Variants in RB1 observed in about 807,000 individuals in gnomAD.
RB1 encodes retinoblastoma-associated protein.
Under a neutral mutation model 135.4 loss-of-function variants are expected in RB1, and 18 were observed. The observed-to-expected ratio is 0.13, with a 90% CI of 0.09 to 0.20. The LOEUF is 0.20. Ranked by LOEUF, RB1 falls within the 10% of genes least tolerant of loss-of-function variation. The pLI is 1.00. For missense variants in RB1, 868 were observed against 1,110.0 expected (o/e 0.78, Z 3.10); for synonymous variants, 365 against 373.2 (o/e 0.98, Z 0.25).
intron 2 of RB1, among the ~76,000 whole-genome samples, chr13:48,337,873 T>C (rs886192944): frequency 2.0e-5 from 3 of 152,224 alleles, no homozygotes; most frequent in Non-Finnish European, 4.4e-5. Flanking sequence ...AAGGCAGGCC[T>C]GGTGGTGACA....
chr13:48,404,107 C>T (rs1047241031), intron 17 of RB1: 1 of 152,142 alleles, frequency 6.6e-6, no homozygotes, highest in African/African-American at 2.4e-5. Flanking sequence ...AGGCTGAAGC[C>T]CCATGCTGTT....
intron 3 of RB1, among the ~76,000 whole-genome samples, chr13:48,343,134 A>T (rs569757634): frequency 6.0e-4 from 92 of 152,258 alleles, no homozygotes; most frequent in African/African-American, 2.2e-3. Flanking sequence ...TTATAACTAA[A>T]TGCTTTTTTT....
chr13:48,461,718 A>T (rs1949406615), intron 20 of RB1, among the ~76,000 whole-genome samples: 2 of 151,344 alleles, frequency 1.3e-5, no homozygotes, highest in South Asian at 4.2e-4. Context: ...GTGTGGTTTG[A>T]TTTGCATTTC....
chr13:48,353,602 T>C (rs1259769849), intron 6 of RB1, among the ~76,000 whole-genome samples: 1 of 152,060 alleles, frequency 6.6e-6, no homozygotes, highest in Non-Finnish European at 1.5e-5. Flanking sequence ...ACAAGGCCTG[T>C]ATTACCCTGA....
chr13:48,304,997 G>T (rs971552071), intron 1 of RB1, among the ~76,000 whole-genome samples: 2 of 152,118 alleles, frequency 1.3e-5, no homozygotes, highest in East Asian at 3.9e-4. Context: ...ACTAGATCTT[G>T]AAGGGAAGTA....
At chr13:48,317,695 T>C (rs958695469) in intron 2 of RB1, 11 of 550,768 alleles carry the variant, frequency 2.0e-5, no homozygotes, top group Non-Finnish European at 3.0e-5. Context: ...CGGATCCCCT[T>C]GGGCGGGAGC....
chr13:48,327,322 A>G (rs1475082436), intron 2 of RB1, among the ~76,000 whole-genome samples: 1 of 152,180 alleles, frequency 6.6e-6, no homozygotes, highest in Non-Finnish European at 1.5e-5. Context: ...TTCTGGTGGA[A>G]ATGCTTACAG....
chr13:48,337,908 G>A (rs187977052), intron 2 of RB1, among the ~76,000 whole-genome samples: 2 of 152,292 alleles, frequency 1.3e-5, no homozygotes, highest in African/African-American at 4.8e-5. Context: ...TTGTTTGCCT[G>A]TGAAGGATTT....
At chr13:48,463,030 T>A (rs575230159) in intron 20 of RB1, among the ~76,000 whole-genome samples, 4 of 152,220 alleles carry the variant, frequency 2.6e-5, no homozygotes, top group Non-Finnish European at 5.9e-5. Context: ...TTGGCAATAG[T>A]AGGTAAGAGC....
chr13:48,368,928 C>T (rs879270468), intron 11 of RB1, among the ~76,000 whole-genome samples: 43 of 152,208 alleles, frequency 2.8e-4, no homozygotes, highest in Admixed American at 2.6e-3. Flanking sequence ...ATTGCTTGAA[C>T]CCGGGAGGCG....
At chr13:48,348,354 G>C (rs1263873459) in intron 5 of RB1, among the ~76,000 whole-genome samples, 1 of 151,790 alleles carries the variant, frequency 6.6e-6, no homozygotes, top group African/African-American at 2.4e-5. Flanking sequence ...TGCCTCATTG[G>C]AGTAGTATTG....
chr13:48,356,558 T>A (rs147039992), intron 6 of RB1, among the ~76,000 whole-genome samples: 139 of 152,218 alleles, frequency 9.1e-4, no homozygotes, highest in Middle Eastern at 3.4e-3. Context: ...AGAAGGTTAC[T>A]ATCTTCACTC....
chr13:48,411,286 G>A, intron 17 of RB1: 2 of 932,534 alleles, frequency 2.1e-6, no homozygotes, highest in South Asian at 1.3e-5. Flanking sequence ...ATGTCCATGT[G>A]TTAATTTCTT....
intron 17 of RB1, among the ~76,000 whole-genome samples, chr13:48,448,345 C>A (rs1319763776): frequency 6.6e-6 from 1 of 152,096 alleles, no homozygotes; most frequent in Admixed American, 6.5e-5. Context: ...AGCATACATG[C>A]CACCTTCTCT....
At chr13:48,305,968 C>T (rs1390213267) in intron 1 of RB1, among the ~76,000 whole-genome samples, 2 of 152,182 alleles carry the variant, frequency 1.3e-5, no homozygotes, top group Non-Finnish European at 2.9e-5. Context: ...TTGAAATAAT[C>T]AAAGGTTAAT....
At chr13:48,370,134 T>C (rs528621876) in intron 11 of RB1, among the ~76,000 whole-genome samples, 1 of 152,172 alleles carries the variant, frequency 6.6e-6, no homozygotes, top group South Asian at 2.1e-4. Context: ...TTTTGAAACA[T>C]GCAAAGGCCT....
rs747338465 is a variant in RB1 at position 48,412,067 on chromosome 13, G to A, written c.1695+30624G>A. Reference sequence around the variant, plus strand: ...TTAGAGTCTTTGACTTAAATGGGTAGACAATTGCCAGAAATCGATCTACAC... The same window carrying A: ...TTAGAGTCTTTGACTTAAATGGGTAAACAATTGCCAGAAATCGATCTACAC... On this transcript the variant is annotated intron_variant, in intron 17 of 26. Coordinates refer to ENST00000267163, the MANE Select transcript of RB1 (RefSeq NM_000321.3). 4.3e-6 allele frequency: 7 copies of A among 1,612,694 alleles called. No individual in the cohort carries two copies. In the South Asian group the frequency reaches 7.7e-5, roughly 18 times the overall value.
chr13:48,337,610 T>A (rs1354894418), intron 2 of RB1, among the ~76,000 whole-genome samples: 2 of 152,226 alleles, frequency 1.3e-5, no homozygotes, highest in African/African-American at 4.8e-5. Context: ...TACAGCACAC[T>A]GATGGGTCTT....
At position 48,481,491 on chromosome 13, in the gene RB1, T is replaced by A; in HGVS notation, c.*1420T>A. 1 of 230,856 alleles carries A rather than the reference T, an allele frequency of 4.3e-6. No homozygotes were observed. Among genetic ancestry groups the A allele is most frequent in the East Asian group, 6.2e-5 (1 of 16,140 alleles). The allele number at this position is 230,856 out of a possible 1,614,324, so 14.3% of individuals were successfully genotyped here. On this transcript the variant is annotated 3_prime_UTR_variant, in exon 27 of 27. Coordinates refer to ENST00000267163, the MANE Select transcript of RB1 (RefSeq NM_000321.3). Reference sequence around the variant, plus strand: ...ACTTTGTCTAACTCAGAATTATTTTTAAAAAGAAATCTGGTCTTGTTAGAA... The same window carrying A: ...ACTTTGTCTAACTCAGAATTATTTTAAAAAAGAAATCTGGTCTTGTTAGAA...
Sources: allele counts gnomAD v4.1 joint callset (sites outside exome capture counted in the v4.1 genomes callset), GRCh38; gene constraint gnomAD v4.1.1; transcripts MANE v1.5; gene names NCBI Gene and HGNC (gene_info 2026-07-23, HGNC 2026-07-21).